The following PITPNM2 variants were observed in gnomAD, a reference collection of about 807,000 sequenced individuals.
PITPNM2 encodes the protein membrane-associated phosphatidylinositol transfer protein 2.
PITPNM2 carries 35 observed loss-of-function variants against 132.2 expected under a neutral mutation model. The ratio of observed to expected loss-of-function variants is 0.26; its 90% CI spans 0.20 to 0.35. The LOEUF is 0.35. PITPNM2 is among the 10% of genes least tolerant of loss of function. PITPNM2 has a pLI of 1.00. For synonymous variants in PITPNM2, 738 were observed against 799.2 expected (o/e 0.92, Z 1.29); for missense variants, 1,332 against 1,912.0 (o/e 0.70, Z 5.66).
intron 2 of PITPNM2, among the ~76,000 whole-genome samples, chr12:123,062,497 G>A (rs1358771637): frequency 2.0e-5 from 3 of 152,128 alleles, no homozygotes; most frequent in East Asian, 1.9e-4. Context: ...TAAGGGGGAC[G>A]GGGCAGGGGC....
chr12:123,135,547 C>T (rs563041862), intron 1 of PITPNM2, among the ~76,000 whole-genome samples: 3 of 152,302 alleles, frequency 2.0e-5, no homozygotes, highest in African/African-American at 7.2e-5. Context: ...CTGGCAACCA[C>T]CATTCCACTC....
At chr12:123,028,896 CTCAA>C (rs2039967185) in intron 3 of PITPNM2, among the ~76,000 whole-genome samples, 2 of 152,144 alleles carry the variant, frequency 1.3e-5, no homozygotes, top group Non-Finnish European at 2.9e-5. Flanking sequence ...GGCAAGAGCT[CTCAA>C]GATGGAAATT....
intron 2 of PITPNM2, among the ~76,000 whole-genome samples, chr12:123,086,489 C>T (rs748509037): frequency 8.5e-5 from 13 of 152,198 alleles, no homozygotes; most frequent in Non-Finnish European, 1.3e-4. Flanking sequence ...CAACATTAAT[C>T]CCTTAATGCT....
chr12:123,001,650 G>A (rs1192772153), intron 8 of PITPNM2, among the ~76,000 whole-genome samples: 2 of 152,146 alleles, frequency 1.3e-5, no homozygotes, highest in African/African-American at 4.8e-5. Flanking sequence ...GCTTCATTCC[G>A]TTTTATGGCT....
At chr12:123,133,034 A>T (rs1257636371) in intron 1 of PITPNM2, among the ~76,000 whole-genome samples, 1 of 152,242 alleles carries the variant, frequency 6.6e-6, no homozygotes, top group Non-Finnish European at 1.5e-5. Flanking sequence ...TATCTGTTCA[A>T]GTCCCTGCTT....
chr12:123,110,146 A>G (rs11061612), intron 2 of PITPNM2, among the ~76,000 whole-genome samples: 21,195 of 151,988 alleles, frequency 0.14, 4,869 homozygotes, highest in African/African-American at 0.48. Flanking sequence ...AGAGATATGC[A>G]GTCTCACTAT....
At chr12:123,029,827 C>CTGTGTGTG (rs57222285) in intron 3 of PITPNM2, among the ~76,000 whole-genome samples, 10 of 135,488 alleles carry the variant, frequency 7.4e-5, no homozygotes, top group Non-Finnish European at 1.1e-4. Flanking sequence ...ACATATGTGT[C>CTGTGTGTG]TGTGTGTGTG....
At chr12:123,025,411 G>A (rs960809406) in intron 3 of PITPNM2, among the ~76,000 whole-genome samples, 1 of 151,786 alleles carries the variant, frequency 6.6e-6, no homozygotes, top group African/African-American at 2.4e-5. Context: ...CTTTAAAAGA[G>A]CTCCTGGAAT....
chr12:123,136,165 G>A (rs929250299), intron 1 of PITPNM2, among the ~76,000 whole-genome samples: 4 of 151,914 alleles, frequency 2.6e-5, no homozygotes, highest in Admixed American at 6.6e-5. Flanking sequence ...AGCCAGGTGT[G>A]GTGGCAGTTA....
At chr12:123,039,728 G>C (rs985702528) in intron 2 of PITPNM2, among the ~76,000 whole-genome samples, 13 of 152,290 alleles carry the variant, frequency 8.5e-5, no homozygotes, top group African/African-American at 3.1e-4. Flanking sequence ...GTCACTGCAG[G>C]CTCATTCATT....
At chr12:123,044,381 G>A (rs780405417) in intron 2 of PITPNM2, among the ~76,000 whole-genome samples, 40 of 152,244 alleles carry the variant, frequency 2.6e-4, no homozygotes, top group Non-Finnish European at 4.7e-4. Context: ...GGGGCATGCA[G>A]AAGGGAGGGC....
chr12:123,014,636 A>G (rs1650489835), intron 3 of PITPNM2, among the ~76,000 whole-genome samples: 1 of 152,238 alleles, frequency 6.6e-6, no homozygotes, highest in African/African-American at 2.4e-5. Context: ...CGGGAGGCAG[A>G]GGTTGCAGTG....
chr12:123,122,036 C>G (rs1178846717), intron 1 of PITPNM2, among the ~76,000 whole-genome samples: 1 of 152,170 alleles, frequency 6.6e-6, no homozygotes, highest in Admixed American at 6.6e-5. Context: ...ACACGTCAAC[C>G]ATTTTTAAGT....
At chr12:123,040,098 C>A (rs963042488) in intron 2 of PITPNM2, among the ~76,000 whole-genome samples, 2 of 151,970 alleles carry the variant, frequency 1.3e-5, no homozygotes, top group African/African-American at 4.8e-5. Context: ...CCACTGCACT[C>A]CAGCCTGGGC....
intron 2 of PITPNM2, among the ~76,000 whole-genome samples, chr12:123,048,461 G>A (rs1026660342): frequency 1.3e-5 from 2 of 151,302 alleles, no homozygotes; most frequent in African/African-American, 2.4e-5. Flanking sequence ...GCCGGACTGC[G>A]GACTGCAGTG....
chr12:123,070,016 A>T (rs1159623166), intron 2 of PITPNM2, among the ~76,000 whole-genome samples: 1 of 152,132 alleles, frequency 6.6e-6, no homozygotes, highest in Non-Finnish European at 1.5e-5. Context: ...GGGCTCACTG[A>T]GTGACTGGCA....
At position 123,004,319 on chromosome 12, in the gene PITPNM2, C is replaced by T; in HGVS notation, c.1048+75G>A. The T allele has an allele frequency of 1.4e-6, 2 of 1,406,592 alleles. No homozygotes were observed. Among genetic ancestry groups the T allele is most frequent in the Non-Finnish European group, 2.0e-6 (2 of 998,182 alleles). The allele number at this position is 1,406,592 out of a possible 1,614,324, so 87.1% of individuals were successfully genotyped here. On this transcript the variant is annotated intron_variant, in intron 8 of 25. Transcript: ENST00000320201. The surrounding 1 kb of genome is among the most constrained non-coding windows in gnomAD (Gnocchi z 4.9). Reference sequence around the variant, plus strand: ...CAACACCCGCATCAGTCCACACCCACACCCTAAGCCCTTTCAGACCCCTCC... The same window carrying T: ...CAACACCCGCATCAGTCCACACCCATACCCTAAGCCCTTTCAGACCCCTCC...
At chr12:123,011,012 C>T (rs1342701651) in intron 5 of PITPNM2, among the ~76,000 whole-genome samples, 6 of 152,216 alleles carry the variant, frequency 3.9e-5, no homozygotes, top group Admixed American at 2.6e-4. Flanking sequence ...CTGGGCAGGA[C>T]GTAGGCCAGG....
At chr12:123,052,058 A>G (rs2040874051) in intron 2 of PITPNM2, among the ~76,000 whole-genome samples, 1 of 140,762 alleles carries the variant, frequency 7.1e-6, no homozygotes, top group Non-Finnish European at 1.5e-5. Flanking sequence ...ACATACCACC[A>G]TGCCCGGTTA....
Sources: allele counts gnomAD v4.1 joint callset (sites outside exome capture counted in the v4.1 genomes callset), GRCh38; gene constraint gnomAD v4.1.1; non-coding constraint Gnocchi (gnomAD v3.1); transcripts MANE v1.5; gene names NCBI Gene and HGNC (gene_info 2026-07-23, HGNC 2026-07-21).